The following TRIM44 variants were observed in gnomAD, a reference collection of about 807,000 sequenced individuals.
TRIM44 encodes tripartite motif-containing protein 44.
In TRIM44, 13 loss-of-function variants were observed where a neutral mutation model predicts 37.4. The ratio of observed to expected loss-of-function variants is 0.35; its 90% confidence interval spans 0.23 to 0.55. The LOEUF (loss-of-function observed/expected upper bound fraction) is 0.55, where lower values mean the gene tolerates loss of function less well. Among genes scored for constraint, TRIM44 ranks in the 20% least tolerant of loss-of-function variants. The probability of loss-of-function intolerance (pLI) is 0.89; values close to 1 mark genes in which losing one functional copy is unlikely to be tolerated. For missense variants in TRIM44, 426 were observed against 437.2 expected, an observed-to-expected ratio of 0.97 and a Z score of 0.23; for synonymous variants, 175 against 157.2, an observed-to-expected ratio of 1.11 and a Z score of -0.85.
At chr11:35,759,416 G>C (rs1405459988) in intron 4 of TRIM44, among the ~76,000 whole-genome samples, 1 of 151,960 alleles carries the variant, frequency 6.6e-6, no homozygotes, top group Admixed American at 6.6e-5. Flanking sequence ...TTTTTTTCAA[G>C]GTTTTTAACT....
At chr11:35,777,192 C>T (rs1343596950) in intron 4 of TRIM44, among the ~76,000 whole-genome samples, 1 of 152,134 alleles carries the variant, frequency 6.6e-6, no homozygotes, top group Non-Finnish European at 1.5e-5. Flanking sequence ...TTGAATTGAT[C>T]CCTTTACCAT....
intron 2 of TRIM44, among the ~76,000 whole-genome samples, chr11:35,706,272 A>G (rs1356125205): frequency 6.7e-6 from 1 of 150,146 alleles, no homozygotes; most frequent in Non-Finnish European, 1.5e-5. Context: ...AACAATCAAT[A>G]GCTTACCAAC....
intron 4 of TRIM44, among the ~76,000 whole-genome samples, chr11:35,767,043 A>G (rs1168946948): frequency 6.6e-6 from 1 of 152,192 alleles, no homozygotes; most frequent in Non-Finnish European, 1.5e-5. Flanking sequence ...AGATTCGTAA[A>G]CAACACGTTT....
At chr11:35,693,382 C>T (rs930422485) in intron 2 of TRIM44, among the ~76,000 whole-genome samples, 1 of 152,056 alleles carries the variant, frequency 6.6e-6, no homozygotes, top group Admixed American at 6.6e-5. Context: ...AAATGTACTT[C>T]ATTTGGTCTT....
intron 4 of TRIM44, among the ~76,000 whole-genome samples, chr11:35,755,274 C>T (rs1852620459): frequency 6.6e-6 from 1 of 152,164 alleles, no homozygotes; most frequent in South Asian, 2.1e-4. Context: ...AGCATTTTTT[C>T]ATGTGTCTGT....
At chr11:35,701,926 C>T (rs1332547552) in intron 2 of TRIM44, among the ~76,000 whole-genome samples, 1 of 152,144 alleles carries the variant, frequency 6.6e-6, no homozygotes, top group Non-Finnish European at 1.5e-5. Context: ...TTCTGGGTTC[C>T]TTTTCCCAGA....
At chr11:35,739,322 A>G (rs1293101526) in intron 4 of TRIM44, among the ~76,000 whole-genome samples, 1 of 152,192 alleles carries the variant, frequency 6.6e-6, no homozygotes, top group East Asian at 1.9e-4. Flanking sequence ...TCACATGGCT[A>G]GTAAGTGGCA....
At chr11:35,803,901 G>C (rs1853403996) in intron 4 of TRIM44, among the ~76,000 whole-genome samples, 3 of 150,474 alleles carry the variant, frequency 2.0e-5, no homozygotes, top group South Asian at 2.1e-4. Flanking sequence ...TATAGATTCA[G>C]TTATGATCCC....
intron 4 of TRIM44, among the ~76,000 whole-genome samples, chr11:35,798,943 T>C (rs1281352798): frequency 6.6e-6 from 1 of 152,198 alleles, no homozygotes; most frequent in Non-Finnish European, 1.5e-5. Context: ...TTTTTCTTTT[T>C]TATGGAACCA....
chr11:35,688,835 C>T (rs1198334389), intron 2 of TRIM44, among the ~76,000 whole-genome samples: 1 of 152,182 alleles, frequency 6.6e-6, no homozygotes, highest in Non-Finnish European at 1.5e-5. Context: ...TCAGGTGATG[C>T]TGATGTTGCT....
In TRIM44 at chr11:35,810,156, G is replaced by A. The variant is rs1246074834; in HGVS notation, c.*3771G>A. On this transcript the variant is annotated 3_prime_UTR_variant, in exon 5 of 5. Transcript: ENST00000299413. The stretch of plus-strand genomic sequence containing the variant: ...GAAACTTGGATGCCCAGCCATTTTG[G>A]TGACCTGAGAGTCTAACTACTCCAG... 2.6e-5 allele frequency: 4 copies of A among 152,124 alleles called. No homozygotes were observed. Among genetic ancestry groups the A allele is most frequent in the Admixed American group, 6.5e-5 (1 of 15,272 alleles). The allele number at this position is 152,124 out of a possible 1,614,324, so 9.4% of individuals were successfully genotyped here.
intron 2 of TRIM44, among the ~76,000 whole-genome samples, chr11:35,706,883 A>G (rs1436417591): frequency 6.6e-6 from 1 of 150,408 alleles, no homozygotes. Flanking sequence ...CACCACTCCT[A>G]TTCAACATAG....
At chr11:35,689,941 C>G (rs1262569619) in intron 2 of TRIM44, among the ~76,000 whole-genome samples, 3 of 152,188 alleles carry the variant, frequency 2.0e-5, no homozygotes, top group Admixed American at 1.3e-4. Context: ...CTGATATGCA[C>G]TGTTCATTGT....
chr11:35,714,052 A>G (rs968269234), intron 2 of TRIM44, among the ~76,000 whole-genome samples: 6 of 152,150 alleles, frequency 3.9e-5, no homozygotes, highest in African/African-American at 1.4e-4. Flanking sequence ...TTACTTTTCA[A>G]TGCCTAGGAT....
At chr11:35,773,253 G>A (rs182956647) in intron 4 of TRIM44, among the ~76,000 whole-genome samples, 12 of 152,212 alleles carry the variant, frequency 7.9e-5, no homozygotes, top group African/African-American at 2.4e-4. Context: ...TGTCAGCAGT[G>A]TCAAAACAGA....
chr11:35,793,392 G>T (rs1225445224), intron 4 of TRIM44, among the ~76,000 whole-genome samples: 2 of 152,044 alleles, frequency 1.3e-5, no homozygotes, highest in African/African-American at 4.8e-5. Flanking sequence ...TGGCATGGTG[G>T]TGTGTGCCTG....
intron 4 of TRIM44, among the ~76,000 whole-genome samples, chr11:35,799,894 A>G (rs1853343474): frequency 6.6e-6 from 1 of 152,190 alleles, no homozygotes; most frequent in East Asian, 1.9e-4. Flanking sequence ...TGGTTTAAGA[A>G]GGAATTGCAG....
At chr11:35,686,579 C>T (rs1362176813) in intron 2 of TRIM44, among the ~76,000 whole-genome samples, 1 of 151,744 alleles carries the variant, frequency 6.6e-6, no homozygotes, top group Non-Finnish European at 1.5e-5. Flanking sequence ...TTTTTTGAGA[C>T]GGAATCTCGC....
chr11:35,736,185 G>A (rs970628280), intron 4 of TRIM44, among the ~76,000 whole-genome samples: 2 of 152,156 alleles, frequency 1.3e-5, no homozygotes, highest in Non-Finnish European at 2.9e-5. Context: ...GGTTGTTAAG[G>A]CTGGGAAGTA....
Sources: gnomAD v4.1 joint callset for allele counts (sites outside exome capture counted in the v4.1 genomes callset) on GRCh38, gnomAD v4.1.1 for gene constraint, MANE v1.5 for transcripts, NCBI Gene and HGNC (gene_info 2026-07-23, HGNC 2026-07-21) for gene names.